The following SMYD3 variants were observed in gnomAD, a reference collection of about 807,000 sequenced individuals.
SMYD3 encodes SET and MYND domain containing 3.
In SMYD3, 36 loss-of-function variants were observed where a neutral mutation model predicts 57.7. The observed-to-expected ratio is 0.62, with a 90% CI of 0.48 to 0.82. The LOEUF is 0.82. Among genes scored for constraint, SMYD3 ranks in the 40% least tolerant of loss-of-function variants. SMYD3 has a pLI of 0.00. For synonymous variants in SMYD3, 211 were observed against 195.0 expected, an observed-to-expected ratio of 1.08 and a Z score of -0.68; for missense variants, 515 against 538.8, an observed-to-expected ratio of 0.96 and a Z score of 0.44.
intron 10 of SMYD3, among the ~76,000 whole-genome samples, chr1:245,818,040 C>T (rs551167135): frequency 0.015 from 2,230 of 152,086 alleles, 49 homozygotes; most frequent in African/African-American, 0.051. Context: ...TCAGGAAATA[C>T]AGAGAACGCC....
At chr1:246,243,040 T>C (rs988372308) in intron 5 of SMYD3, among the ~76,000 whole-genome samples, 3 of 152,162 alleles carry the variant, frequency 2.0e-5, no homozygotes, top group Non-Finnish European at 4.4e-5. Flanking sequence ...ATTAGACAGA[T>C]CAATGAGACA....
At chr1:246,145,003 G>GA (rs2061821024) in intron 5 of SMYD3, among the ~76,000 whole-genome samples, 1 of 152,216 alleles carries the variant, frequency 6.6e-6, no homozygotes, top group South Asian at 2.1e-4. Flanking sequence ...ACACAGGCTT[G>GA]AAAATCTGAA....
chr1:245,846,191 G>A lies in SMYD3; in HGVS notation c.1076+12305C>T, dbSNP rs2050656044. ...GACAGCATCCAGGAAGGGAAGGAAGGAGGGAGAGAAAAAGAACGCAAGAGC... is the reference window on the plus strand; with the variant it reads ...GACAGCATCCAGGAAGGGAAGGAAGAAGGGAGAGAAAAAGAACGCAAGAGC... On this transcript the variant is annotated intron_variant, in intron 10 of 11. Coordinates refer to ENST00000490107, the MANE Select transcript of SMYD3 (RefSeq NM_001167740.2). Among the ~76,000 whole-genome samples the A allele has an allele frequency of 2.6e-5, 4 of 152,334 alleles. No individual in the cohort carries two copies. The South Asian group carries it at 8.3e-4, about 32-fold the overall frequency.
At chr1:246,100,539 G>A (rs1005261023) in intron 5 of SMYD3, among the ~76,000 whole-genome samples, 1 of 152,164 alleles carries the variant, frequency 6.6e-6, no homozygotes, top group African/African-American at 2.4e-5. Context: ...CTGACTGCTT[G>A]CTGACGCTCA....
intron 10 of SMYD3, among the ~76,000 whole-genome samples, chr1:245,781,408 T>G (rs1572320707): frequency 1.3e-5 from 2 of 152,296 alleles, no homozygotes; most frequent in East Asian, 3.9e-4. Flanking sequence ...ACGGAATTCT[T>G]AACCACTAAA....
chr1:246,309,184 A>T (rs1372997910), intron 5 of SMYD3, among the ~76,000 whole-genome samples: 1 of 151,812 alleles, frequency 6.6e-6, no homozygotes, highest in East Asian at 1.9e-4. Flanking sequence ...CTTAATTGTT[A>T]AAAAAAAGTT....
intron 5 of SMYD3, among the ~76,000 whole-genome samples, chr1:246,296,906 T>G (rs945170206): frequency 6.6e-6 from 1 of 152,198 alleles, no homozygotes; most frequent in Non-Finnish European, 1.5e-5. Flanking sequence ...ACAGAGATTC[T>G]GAAAATGCTT....
At chr1:245,822,052 T>C (rs1196143238) in intron 10 of SMYD3, among the ~76,000 whole-genome samples, 1 of 152,070 alleles carries the variant, frequency 6.6e-6, no homozygotes, top group Non-Finnish European at 1.5e-5. Context: ...ACTGGGTATA[T>C]ACCCAAAGGA....
chr1:246,007,338 T>A (rs2059192420), intron 5 of SMYD3, among the ~76,000 whole-genome samples: 1 of 152,014 alleles, frequency 6.6e-6, no homozygotes, highest in South Asian at 2.1e-4. Flanking sequence ...AAGGGAAAGA[T>A]TTGGGTGCCT....
At chr1:246,156,302 T>A (rs2062022746) in intron 5 of SMYD3, among the ~76,000 whole-genome samples, 2 of 152,166 alleles carry the variant, frequency 1.3e-5, no homozygotes, top group Non-Finnish European at 1.5e-5. Context: ...AAGATTTTTT[T>A]AAATCCTGCC....
chr1:246,374,977 C>G (rs1436167804), intron 1 of SMYD3, among the ~76,000 whole-genome samples: 1 of 152,144 alleles, frequency 6.6e-6, no homozygotes, highest in Non-Finnish European at 1.5e-5. Context: ...CCTGTAATTC[C>G]AGCTACTCGG....
intron 1 of SMYD3, among the ~76,000 whole-genome samples, chr1:246,394,680 C>T (rs2066628082): frequency 6.6e-6 from 1 of 152,202 alleles, no homozygotes; most frequent in African/African-American, 2.4e-5. Context: ...GCCTCCCGAA[C>T]TCAGCTATGC....
chr1:246,489,810 C>T (rs576641631), intron 1 of SMYD3, among the ~76,000 whole-genome samples: 1 of 152,176 alleles, frequency 6.6e-6, no homozygotes, highest in South Asian at 2.1e-4. Context: ...GTTATTTATG[C>T]TTAAAATTTG....
intron 1 of SMYD3, among the ~76,000 whole-genome samples, chr1:246,479,846 A>G (rs982216101): frequency 6.6e-6 from 1 of 152,140 alleles, no homozygotes; most frequent in African/African-American, 2.4e-5. Context: ...TCTCTGCTGT[A>G]TCTTCAGTAC....
chr1:245,760,074 A>T (rs1198035220), intron 11 of SMYD3, among the ~76,000 whole-genome samples: 1 of 152,236 alleles, frequency 6.6e-6, no homozygotes. Flanking sequence ...CTGTGGCAGC[A>T]ATCACAAGAA....
At chr1:246,156,675 C>T (rs560873469) in intron 5 of SMYD3, among the ~76,000 whole-genome samples, 2 of 152,254 alleles carry the variant, frequency 1.3e-5, no homozygotes, top group Non-Finnish European at 2.9e-5. Flanking sequence ...TTAACATTTG[C>T]AAGAAATGCT....
intron 5 of SMYD3, among the ~76,000 whole-genome samples, chr1:246,287,180 C>T (rs1341234498): frequency 6.6e-6 from 1 of 152,064 alleles, no homozygotes; most frequent in Non-Finnish European, 1.5e-5. Context: ...CCTAAAATAA[C>T]ATTTTAAAAA....
intron 5 of SMYD3, chr1:245,953,184 A>AAT: frequency 1.0e-6 from 1 of 959,764 alleles, no homozygotes; most frequent in Non-Finnish European, 1.3e-6. Flanking sequence ...CTTTGGTCAT[A>AAT]ATATATATTA....
At chr1:245,817,236 A>G (rs991388587) in intron 10 of SMYD3, among the ~76,000 whole-genome samples, 5 of 142,828 alleles carry the variant, frequency 3.5e-5, no homozygotes, top group African/African-American at 1.1e-4. Flanking sequence ...TGGGTCCCTG[A>G]CCCCTGACCC....
Sources: allele counts gnomAD v4.1 joint callset (sites outside exome capture counted in the v4.1 genomes callset), GRCh38; gene constraint gnomAD v4.1.1; transcripts MANE v1.5; gene names NCBI Gene and HGNC (gene_info 2026-07-23, HGNC 2026-07-21).